TSACC: variants seen among roughly 807,000 people sequenced by gnomAD.
The protein encoded by TSACC is TSSK6-activating co-chaperone protein.
In TSACC, 3 loss-of-function variants were observed where a neutral mutation model predicts 6.9. That is an observed-to-expected ratio of 0.43 (90% CI 0.20 to 1.12). The LOEUF (loss-of-function observed/expected upper bound fraction) is 1.12, where lower values mean the gene tolerates loss of function less well. Ranked by LOEUF, TSACC falls within the 50% of genes most tolerant of loss-of-function variation. The probability of loss-of-function intolerance (pLI) is 0.28; values close to 1 mark genes in which losing one functional copy is unlikely to be tolerated. For missense variants in TSACC, 137 were observed against 143.9 expected (o/e 0.95, Z 0.24); for synonymous variants, 54 against 55.1 (o/e 0.98, Z 0.09).
intron 2 of TSACC, among the ~76,000 whole-genome samples, chr1:156,343,796 A>G (rs1666023159): frequency 6.6e-6 from 1 of 151,834 alleles, no homozygotes; most frequent in South Asian, 2.1e-4. Flanking sequence ...GCTGGAGTGC[A>G]GTGTTGTGAT....
At chr1:156,338,791 T>G (rs1665609218) in intron 1 of TSACC, 186 bp downstream of exon 1, 1 of 154,892 alleles carries the variant, frequency 6.5e-6, no homozygotes, top group African/African-American at 2.4e-5. Flanking sequence ...AGTTGTAGTC[T>G]TACCGGGCCG....
At position 156,346,877 on chromosome 1, in the gene TSACC, G is replaced by A; in HGVS notation, c.273G>A (p.Gln91=). 6.2e-7 allele frequency: 1 copy of A among 1,614,152 alleles called. No individual in the cohort carries two copies. The highest frequency in any genetic ancestry group is 8.5e-7 in the Non-Finnish European group (1 of 1,180,028). ...AGATGGCTGTTTTGGAACATTTACA[G>A]GCATCTGTGACACAACTGGCTCCTG... ...QQQMAVLEHL[Q]ASVTQLAPGR... Residue 91 remains glutamine, a synonymous_variant, in exon 4 of 4, where the codon CAG becomes CAA. Coordinates refer to ENST00000368254, the MANE Select transcript of TSACC (RefSeq NM_001304817.2).
intron 2 of TSACC, 105 bp downstream of exon 2, chr1:156,339,896 C>A: frequency 3.3e-6 from 4 of 1,206,808 alleles, no homozygotes; most frequent in Non-Finnish European, 3.6e-6. Context: ...AGAACTGGAT[C>A]TGTTAAATAG....
In TSACC at chr1:156,343,738, G is replaced by T. The variant is rs572257464; in HGVS notation, c.35-842G>T. On this transcript the variant is annotated intron_variant, in intron 2 of 3. Coordinates refer to ENST00000368254, the MANE Select transcript of TSACC (RefSeq NM_001304817.2). ...AGCCTGGCTTCTCAAGTTTTTTGTTGTTGTTGTTTCATTTTTTTTGAGAAG... is the reference window on the plus strand; with the variant it reads ...AGCCTGGCTTCTCAAGTTTTTTGTTTTTGTTGTTTCATTTTTTTTGAGAAG... Among the ~76,000 whole-genome samples, 6 of 151,568 alleles carry T rather than the reference G, an allele frequency of 4.0e-5. No homozygotes were observed. The South Asian group carries it at 8.3e-4, about 21-fold the overall frequency.
At position 156,346,749 on chromosome 1, in the gene TSACC, G is replaced by A. The variant is rs749787264; in HGVS notation, c.164-19G>A. 1.1e-5 allele frequency: 17 copies of A among 1,611,984 alleles called. No individual in the cohort carries two copies. The highest frequency in any genetic ancestry group is 8.8e-5 in the South Asian group (8 of 91,046). ...CTCTCCTTTGTTCCCTTGCACCTCC[G>A]TTGCTTTTCCTTCTGGAGTTGATCA... is the stretch of plus-strand genomic sequence containing the variant. On this transcript the variant is annotated intron_variant, in intron 3 of 3. Coordinates refer to ENST00000368254, the MANE Select transcript of TSACC (RefSeq NM_001304817.2).
chr1:156,338,206 G>A, upstream of TSACC: 2 of 1,582,996 alleles, frequency 1.3e-6, no homozygotes, highest in Admixed American at 1.9e-5. Context: ...GCAGAGCCGG[G>A]TACCCAGAGC....
intron 2 of TSACC, among the ~76,000 whole-genome samples, chr1:156,341,090 T>A (rs1185916684): frequency 2.0e-5 from 3 of 152,238 alleles, no homozygotes; most frequent in Non-Finnish European, 4.4e-5. Flanking sequence ...GTCCTGGGAT[T>A]ACAGGCGTGA....
chr1:156,337,868 G>T (rs1665507923), upstream of TSACC: 7 of 503,482 alleles, frequency 1.4e-5, no homozygotes, highest in South Asian at 2.1e-4. Flanking sequence ...AGGGGCGGGG[G>T]AAGCGTGGGG....
intron 2 of TSACC, among the ~76,000 whole-genome samples, chr1:156,342,744 C>T (rs1281097790): frequency 6.6e-6 from 1 of 152,264 alleles, no homozygotes; most frequent in Non-Finnish European, 1.5e-5. Context: ...CACAGCAAGA[C>T]TGTCAGTTCC....
upstream of TSACC, chr1:156,338,297 C>G (rs550124233): frequency 3.2e-5 from 32 of 994,692 alleles, no homozygotes; most frequent in South Asian, 1.1e-4. Context: ...GCTTACACCT[C>G]AACCCGCTAC....
chr1:156,337,546 T>A (rs1665467509), upstream of TSACC: 2 of 166,368 alleles, frequency 1.2e-5, no homozygotes, highest in South Asian at 2.5e-4. Flanking sequence ...CTAAGATCAG[T>A]GAGGCAAGTA....
rs1666227172 is a variant in TSACC, at chr1:156,346,969, A to G, written c.365A>G (p.Gln122Arg). The G allele has an allele frequency of 3.1e-6, 5 of 1,613,748 alleles. No homozygotes were observed. In the East Asian group the frequency reaches 1.1e-4, roughly 36 times the overall value. Reference protein sequence around the residue: ...SPNPLLNHLPQFSK With the variant: ...SPNPLLNHLPRFSK ...AATCCATTGTTAAATCACCTGCCCC[A>G]ATTCAGTAAATGAATTGTGGAACAA... The change falls in exon 4 of 4, where the codon CAA becomes CGA. Residue 122 changes from glutamine to arginine, a missense_variant. By Grantham distance (43) the Gln-to-Arg change is conservative. Transcript: ENST00000368254.
intron 2 of TSACC, 67 bp from the exon 3 acceptor site, chr1:156,344,513 G>T: frequency 1.3e-6 from 2 of 1,574,588 alleles, no homozygotes; most frequent in East Asian, 2.3e-5. Context: ...TGGACCAGGT[G>T]CAGGGATCTA....
intron 1 of TSACC, among the ~76,000 whole-genome samples, chr1:156,339,262 CAAA>C (rs34441809): frequency 1.1e-4 from 15 of 136,730 alleles, no homozygotes; most frequent in Admixed American, 1.5e-4. Flanking sequence ...GACTCCATCT[CAAA>C]AAAAAAAAAA....
chr1:156,342,290 T>TG (rs1227222375), intron 2 of TSACC, among the ~76,000 whole-genome samples: 1 of 152,124 alleles, frequency 6.6e-6, no homozygotes, highest in African/African-American at 2.4e-5. Flanking sequence ...AGAAGATGGA[T>TG]GACCTACCAG....
chr1:156,341,044 T>TGG (rs1665854367), intron 2 of TSACC, among the ~76,000 whole-genome samples: 1 of 152,140 alleles, frequency 6.6e-6, no homozygotes. Context: ...CTTGAACTCC[T>TGG]GGCCTCAAGT....
intron 2 of TSACC, among the ~76,000 whole-genome samples, chr1:156,342,075 A>G (rs1006796753): frequency 4.6e-5 from 7 of 151,570 alleles, no homozygotes; most frequent in Non-Finnish European, 8.8e-5. Flanking sequence ...AAAAAAAAAA[A>G]AAAGAAAGAA....
intron 1 of TSACC, 53 bp from the exon 2 acceptor site, chr1:156,339,570 CAACAGTTCAAG>C (rs1665702439): frequency 1.6e-6 from 1 of 618,392 alleles, no homozygotes; most frequent in South Asian, 2.2e-5. Flanking sequence ...GTGAGAGCAC[CAACAGTTCAAG>C]AACAGTCACC....
intron 3 of TSACC, 96 bp from the exon 4 acceptor site, chr1:156,346,672 G>T: frequency 8.2e-7 from 1 of 1,226,138 alleles, no homozygotes; most frequent in Non-Finnish European, 1.2e-6. Flanking sequence ...TGGAAAGATT[G>T]GAGAGGTCAT....
Sources: gnomAD v4.1 joint callset for allele counts (sites outside exome capture counted in the v4.1 genomes callset) on GRCh38, gnomAD v4.1.1 for gene constraint, MANE v1.5 for transcripts, NCBI Gene and HGNC (gene_info 2026-07-23, HGNC 2026-07-21) for gene names.